Variants in ZRANB3 observed in about 807,000 individuals in gnomAD.
The protein encoded by ZRANB3 is DNA annealing helicase and endonuclease ZRANB3.
ZRANB3 carries 125 observed loss-of-function variants against 133.8 expected under a neutral mutation model. The observed-to-expected ratio is 0.93, with a 90% CI of 0.81 to 1.08. ZRANB3 has a LOEUF of 1.08. Among genes scored for constraint, ZRANB3 ranks in the 50% least tolerant of loss-of-function variants. The pLI is 0.00. For synonymous variants in ZRANB3, 387 were observed against 432.7 expected, an observed-to-expected ratio of 0.89 and a Z score of 1.31; for missense variants, 1,229 against 1,275.5, an observed-to-expected ratio of 0.96 and a Z score of 0.56.
Position 135,230,578 on chromosome 2 carries a change from C to T in ZRANB3, c.1889G>A (p.Cys630Tyr). The stretch of plus-strand genomic sequence containing the variant: ...TAACTCTGAATTATTGATATAGGTG[C>T]AGAGACTACATTGCCAGCCCTCTAC... ...FPVEGWQCSLCTYINNSELPY... is the reference protein window; with the variant it reads ...FPVEGWQCSLYTYINNSELPY... The change falls in exon 13 of 21, where the codon TGC becomes TAC. Residue 630 changes from cysteine (C) to tyrosine (Y), a missense_variant. Physicochemically the swap from Cys to Tyr is radical, Grantham distance 194 (BLOSUM62 -2). Transcript: ENST00000264159. The T allele has an allele frequency of 6.3e-7, 1 of 1,596,616 alleles. No individual in the cohort carries two copies. The highest frequency in any genetic ancestry group is 1.2e-5 in the South Asian group (1 of 86,612).
At chr2:135,260,155 T>G (rs983041831) in intron 12 of ZRANB3, among the ~76,000 whole-genome samples, 10 of 152,150 alleles carry the variant, frequency 6.6e-5, no homozygotes, top group Non-Finnish European at 2.9e-5. Context: ...TCTATACCAT[T>G]CTCCTGCCTG....
chr2:135,421,700 C>T (rs1688849310), intron 2 of ZRANB3, among the ~76,000 whole-genome samples: 1 of 152,052 alleles, frequency 6.6e-6, no homozygotes, highest in South Asian at 2.1e-4. Flanking sequence ...TCTACAATCT[C>T]CTTAACCATT....
At chr2:135,209,264 G>GA (rs1307295733) in intron 17 of ZRANB3, among the ~76,000 whole-genome samples, 1 of 152,160 alleles carries the variant, frequency 6.6e-6, no homozygotes, top group Admixed American at 6.6e-5. Flanking sequence ...GGGGAAAAAG[G>GA]AGTCGGTGTG....
intron 6 of ZRANB3, among the ~76,000 whole-genome samples, chr2:135,322,760 T>TCAACAA (rs1683593074): frequency 6.6e-6 from 1 of 152,130 alleles, no homozygotes; most frequent in Non-Finnish European, 1.5e-5. Flanking sequence ...CTCACGCCTG[T>TCAACAA]AATCTTAGCA....
At chr2:135,294,198 G>T (rs1681912315) in intron 8 of ZRANB3, among the ~76,000 whole-genome samples, 1 of 152,172 alleles carries the variant, frequency 6.6e-6, no homozygotes, top group African/African-American at 2.4e-5. Flanking sequence ...ACCTCTCATA[G>T]AATTTGGATA....
At chr2:135,360,584 A>G (rs1685647323) in intron 3 of ZRANB3, among the ~76,000 whole-genome samples, 1 of 152,058 alleles carries the variant, frequency 6.6e-6, no homozygotes, top group Non-Finnish European at 1.5e-5. Flanking sequence ...GAGCACCTGT[A>G]GTCCCAGCTA....
At chr2:135,519,580 GCTAAATCCCA>G (rs893256470) in intron 1 of ZRANB3, among the ~76,000 whole-genome samples, 8 of 152,060 alleles carry the variant, frequency 5.3e-5, no homozygotes. Context: ...CTACTTCAGG[GCTAAATCCCA>G]CTGAAAATAT....
Position 135,197,060 on chromosome 2 carries a change from A to C in ZRANB3, c.*3282T>G, listed in dbSNP as rs540243803. 6 of 152,336 alleles carry C rather than the reference A, an allele frequency of 3.9e-5. No homozygotes were observed. The South Asian group carries it at 1.0e-3, about 26-fold the overall frequency. The allele number at this position is 152,336 out of a possible 1,614,324, so 9.4% of individuals were successfully genotyped here. ...GGGTGGCAAAAACACCCTTAACGAT[A>C]TAAAGCAACTGACAAACTTGAGATG... is the stretch of plus-strand genomic sequence containing the variant. On this transcript the variant is annotated 3_prime_UTR_variant, in exon 21 of 21. Transcript: ENST00000264159.
chr2:135,416,791 C>G (rs1277520046), intron 2 of ZRANB3, among the ~76,000 whole-genome samples: 2 of 152,164 alleles, frequency 1.3e-5, no homozygotes. Context: ...ACAGAGCCCT[C>G]AGAAATAACG....
chr2:135,390,128 C>T (rs2104924977), intron 3 of ZRANB3, among the ~76,000 whole-genome samples: 1 of 152,168 alleles, frequency 6.6e-6, no homozygotes, highest in Non-Finnish European at 1.5e-5. Flanking sequence ...ATCCACCTGC[C>T]TCGGCCTCCC....
At chr2:135,516,519 C>T (rs1693705366) in intron 1 of ZRANB3, among the ~76,000 whole-genome samples, 1 of 152,186 alleles carries the variant, frequency 6.6e-6, no homozygotes, top group Admixed American at 6.5e-5. Context: ...TTCACCTTCA[C>T]TTTTGAAGCT....
intron 17 of ZRANB3, among the ~76,000 whole-genome samples, chr2:135,213,858 C>G (rs560187958): frequency 6.6e-6 from 1 of 152,106 alleles, no homozygotes; most frequent in East Asian, 1.9e-4. Context: ...ACTGAGTGGG[C>G]CCAATGTAAT....
intron 2 of ZRANB3, among the ~76,000 whole-genome samples, chr2:135,451,121 T>G (rs1322257489): frequency 6.6e-6 from 1 of 152,220 alleles, no homozygotes; most frequent in Non-Finnish European, 1.5e-5. Flanking sequence ...TAGTCCTATT[T>G]GACGAAAGTT....
intron 15 of ZRANB3, among the ~76,000 whole-genome samples, chr2:135,221,661 G>A (rs1467389583): frequency 6.6e-6 from 1 of 152,198 alleles, no homozygotes; most frequent in African/African-American, 2.4e-5. Context: ...TCATGTGATG[G>A]TCTGAGAAAG....
intron 2 of ZRANB3, among the ~76,000 whole-genome samples, chr2:135,471,630 G>A (rs1331160734): frequency 6.6e-6 from 1 of 152,120 alleles, no homozygotes; most frequent in Non-Finnish European, 1.5e-5. Context: ...CAGTGATTTT[G>A]CAACTATATA....
intron 1 of ZRANB3, among the ~76,000 whole-genome samples, chr2:135,523,354 T>C (rs1347854491): frequency 6.6e-6 from 1 of 152,202 alleles, no homozygotes; most frequent in Non-Finnish European, 1.5e-5. Context: ...TGGACTCCTC[T>C]AAATTTCCCT....
intron 6 of ZRANB3, among the ~76,000 whole-genome samples, chr2:135,322,524 T>C (rs1431671806): frequency 6.6e-6 from 1 of 152,016 alleles, no homozygotes; most frequent in Non-Finnish European, 1.5e-5. Context: ...GAGACCAGCC[T>C]GGGCAACATA....
intron 6 of ZRANB3, among the ~76,000 whole-genome samples, chr2:135,343,498 T>C (rs142321110): frequency 1.3e-5 from 2 of 149,736 alleles, no homozygotes; most frequent in African/African-American, 5.1e-5. Context: ...ACTGACTTCA[T>C]AGAAACAATT....
chr2:135,326,099 A>G (rs1288837398), intron 6 of ZRANB3, among the ~76,000 whole-genome samples: 1 of 152,244 alleles, frequency 6.6e-6, no homozygotes, highest in East Asian at 1.9e-4. Flanking sequence ...GATCTATACA[A>G]ACTACAGGGA....
Sources: allele counts gnomAD v4.1 joint callset (sites outside exome capture counted in the v4.1 genomes callset), GRCh38; gene constraint gnomAD v4.1.1; transcripts MANE v1.5; gene names NCBI Gene and HGNC (gene_info 2026-07-23, HGNC 2026-07-21).